Variants in ENTPD6 observed in about 807,000 individuals in gnomAD.
ENTPD6 encodes CD39 antigen-like 2.
A neutral mutation model predicts 61.5 loss-of-function variants in ENTPD6; 46 were observed. The ratio of observed to expected loss-of-function variants is 0.75; its 90% CI spans 0.59 to 0.96. ENTPD6 has a LOEUF of 0.96. Ranked by LOEUF, ENTPD6 falls within the 40% of genes least tolerant of loss-of-function variation. The pLI is 0.00. For missense variants in ENTPD6, 612 were observed against 629.0 expected (o/e 0.97, Z 0.29); for synonymous variants, 252 against 255.5 (o/e 0.99, Z 0.13).
chr20:25,211,218 C>A lies in ENTPD6; in HGVS notation c.453+1293C>A, dbSNP rs566551404. ...TCCACAAACGTGTCATGGTCTCAGA[C>A]AATGTAGTTCAAGCCTTGCTTTCCT... is the stretch of plus-strand genomic sequence containing the variant. On this transcript the variant is annotated intron_variant, in intron 4 of 14. Transcript: ENST00000376652. 1.6e-3 allele frequency among the ~76,000 whole-genome samples: 245 copies of A among 152,138 alleles called. 2 individuals carry two copies. The highest frequency in any genetic ancestry group is 3.0e-3 in the Non-Finnish European group (201 of 68,022).
chr20:25,222,818 A>G lies in ENTPD6; in HGVS notation c.1046-20A>G, dbSNP rs776444336. 2.5e-5 allele frequency: 40 copies of G among 1,612,556 alleles called. No homozygotes were observed. The highest frequency in any genetic ancestry group is 3.4e-5 in the Non-Finnish European group (40 of 1,179,624). On this transcript the variant is annotated intron_variant, in intron 11 of 14. Transcript: ENST00000376652. ...GGGTGCTCGGAGCCCACTGACCGCT[A>G]GCCTTGTGCTTGTCCCCAGCGGCAA...
At position 25,226,079 on chromosome 20, in the gene ENTPD6, AAC is replaced by A. The variant is rs1430378731; in HGVS notation, c.*485_*486del. 1.3e-5 allele frequency: 2 copies of A among 154,758 alleles called. No homozygotes were observed. Among genetic ancestry groups the A allele is most frequent in the African/African-American group, 4.8e-5 (2 of 41,604 alleles). The allele number at this position is 154,758 out of a possible 1,614,324, so 9.6% of individuals were successfully genotyped here. The stretch of plus-strand genomic sequence containing the variant: ...TCTGGGGAAGCCGAGGGACAGCCAT[AAC>A]ACCCCCGGGACAGTAGGTCTGGGCG... On this transcript the variant is annotated 3_prime_UTR_variant, in exon 15 of 15. Transcript: ENST00000376652.
intron 6 of ENTPD6, among the ~76,000 whole-genome samples, chr20:25,215,353 A>C (rs1456846717): frequency 1.3e-5 from 2 of 152,178 alleles, no homozygotes; most frequent in Non-Finnish European, 2.9e-5. Flanking sequence ...CTTGAGAGTG[A>C]GTGTGTATGG....
chr20:25,210,020 A>C lies in ENTPD6; in HGVS notation c.453+95A>C. ...TGTGGTAGGCTGTCTTCACAAAGGA[A>C]GGGGGCTTTGACAGTGCTGCCTGGG... On this transcript the variant is annotated intron_variant, in intron 4 of 14. Transcript: ENST00000376652. 4.3e-6 allele frequency: 5 copies of C among 1,165,286 alleles called. No individual in the cohort carries two copies. In the South Asian group the frequency reaches 6.2e-5, roughly 14 times the overall value. 72.2% of individuals were successfully genotyped at this position (1,165,286 alleles called of 1,614,324 possible).
At position 25,222,784 on chromosome 20, in the gene ENTPD6, G is replaced by C. The variant is rs528351689; in HGVS notation, c.1046-54G>C. ...CCCCTGGGAGGGGCCCCAAGCAGCTGTGAGGCCTGGGTGCTCGGAGCCCAC... is the reference window on the plus strand; with the variant it reads ...CCCCTGGGAGGGGCCCCAAGCAGCTCTGAGGCCTGGGTGCTCGGAGCCCAC... On this transcript the variant is annotated intron_variant, in intron 11 of 14. Transcript: ENST00000376652. The C allele has an allele frequency of 2.2e-5, 35 of 1,599,036 alleles. No homozygotes were observed. The East Asian group carries it at 7.4e-4, about 34-fold the overall frequency.
chr20:25,214,717 G>T, intron 5 of ENTPD6, 150 bp from the exon 6 acceptor site: 1 of 628,738 alleles, frequency 1.6e-6, no homozygotes, highest in East Asian at 2.7e-5. Flanking sequence ...GAGTGCAGTG[G>T]TATTTACAAC....
Position 25,206,933 on chromosome 20 carries a change from G to A in ENTPD6, c.55-143G>A, listed in dbSNP as rs1209715453. 5 of 736,644 alleles carry A rather than the reference G, an allele frequency of 6.8e-6. No individual in the cohort carries two copies. The African/African-American group carries it at 7.1e-5, about 10-fold the overall frequency. The allele number at this position is 736,644 out of a possible 1,614,324, so 45.6% of individuals were successfully genotyped here. A position where few individuals can be genotyped will look rare whatever the true frequency, so the allele number is the denominator to read the frequency against. ...TCACACCTTCTGGAATAATTATGAG[G>A]CTCAAATGAAGCTTCTGATTCCTGG... On this transcript the variant is annotated intron_variant, in intron 2 of 14. Coordinates refer to ENST00000376652, the MANE Select transcript of ENTPD6 (RefSeq NM_001247.5).
intron 11 of ENTPD6, chr20:25,221,675 T>C (rs2092637880): frequency 2.6e-6 from 1 of 385,924 alleles, no homozygotes; most frequent in East Asian, 6.2e-5. Context: ...CTCTGTGCTG[T>C]GCTGGGCGGG....
chr20:25,209,331 C>T (rs1015626259), intron 3 of ENTPD6, among the ~76,000 whole-genome samples: 18 of 151,590 alleles, frequency 1.2e-4, no homozygotes, highest in Non-Finnish European at 2.1e-4. Context: ...AGGATGGTCT[C>T]GAACTCCTGA....
chr20:25,209,896 CT>C lies in ENTPD6; in HGVS notation c.427del (p.Ser143LeufsTer58). 2 of 1,614,196 alleles carry C rather than the reference CT, an allele frequency of 1.2e-6. No individual in the cohort carries two copies. ...HETFKALKPG[L>X]SAYADDVEKS... The stretch of plus-strand genomic sequence containing the variant: ...AACCTTCAAAGCACTGAAGCCAGGT[CT>C]TTCTGCCTATGCTGATGATGTTGAA... On this transcript the variant is annotated frameshift_variant, in exon 4 of 15. Coordinates refer to ENST00000376652, the MANE Select transcript of ENTPD6 (RefSeq NM_001247.5). LOFTEE classifies it high-confidence loss of function.
At chr20:25,196,018 C>T (rs1398989586) in intron 1 of ENTPD6, 151 bp downstream of exon 1, 4 of 813,668 alleles carry the variant, frequency 4.9e-6, no homozygotes, top group Non-Finnish European at 6.6e-6. Context: ...TGTCCAGGCT[C>T]CATTAGGGCT....
Position 25,227,532 on chromosome 20 carries a change from G to A in ENTPD6, c.*1935G>A, listed in dbSNP as rs2092816928. ...AGTCATTTCTCTCTGAGTGTCTTTT[G>A]TGATAATGAAGTAGGCTCTCATTTG... On this transcript the variant is annotated 3_prime_UTR_variant, in exon 15 of 15. Coordinates refer to ENST00000376652, the MANE Select transcript of ENTPD6 (RefSeq NM_001247.5). Among the ~76,000 whole-genome samples the A allele has an allele frequency of 6.6e-6, 1 of 152,222 alleles. No individual in the cohort carries two copies. Among genetic ancestry groups the A allele is most frequent in the Admixed American group, 6.5e-5 (1 of 15,278 alleles).
intron 1 of ENTPD6, among the ~76,000 whole-genome samples, chr20:25,198,800 C>A (rs2090764230): frequency 6.6e-6 from 1 of 152,146 alleles, no homozygotes; most frequent in Non-Finnish European, 1.5e-5. Context: ...AAGCCTGTCA[C>A]CTCTCATAGG....
At chr20:25,210,483 CA>C (rs2091889791) in intron 4 of ENTPD6, among the ~76,000 whole-genome samples, 1 of 151,352 alleles carries the variant, frequency 6.6e-6, no homozygotes, top group African/African-American at 2.4e-5. Flanking sequence ...CCTATTTCTA[CA>C]AAATTTAAAA....
chr20:25,216,795 G>T lies in ENTPD6; in HGVS notation c.798+59G>T, dbSNP rs957968341. 10 of 1,357,754 alleles carry T rather than the reference G, an allele frequency of 7.4e-6. No individual in the cohort carries two copies. The Admixed American group carries it at 2.0e-4, about 27-fold the overall frequency. 84.1% of individuals were successfully genotyped at this position (1,357,754 alleles called of 1,614,324 possible). A position where few individuals can be genotyped will look rare whatever the true frequency, so the allele number is the denominator to read the frequency against. On this transcript the variant is annotated intron_variant, in intron 8 of 14. Transcript: ENST00000376652. ...ACCCCGAGGCCACACCGCCATGGGGGTGCAGGGTGGGGCCTGCTGAGGTGC... is the reference window on the plus strand; with the variant it reads ...ACCCCGAGGCCACACCGCCATGGGGTTGCAGGGTGGGGCCTGCTGAGGTGC...
intron 12 of ENTPD6, 136 bp downstream of exon 12, chr20:25,223,114 C>A: frequency 9.9e-7 from 1 of 1,015,216 alleles, no homozygotes; most frequent in Non-Finnish European, 1.4e-6. Flanking sequence ...AGGCCAGAAG[C>A]AGATTTGAGA....
intron 11 of ENTPD6, chr20:25,221,720 C>T (rs971440599): frequency 8.8e-6 from 3 of 340,242 alleles, no homozygotes; most frequent in South Asian, 4.9e-5. Flanking sequence ...CCATCCTGCT[C>T]GAGGCTATGG....
At chr20:25,222,761 C>T in intron 11 of ENTPD6, 77 bp from the exon 12 acceptor site, 2 of 1,570,670 alleles carry the variant, frequency 1.3e-6, no homozygotes, top group African/African-American at 1.4e-5. Flanking sequence ...TCTCAAGTCC[C>T]CTGGGAGGGG....
chr20:25,203,321 A>C (rs1160722737), intron 1 of ENTPD6, among the ~76,000 whole-genome samples: 1 of 152,064 alleles, frequency 6.6e-6, no homozygotes, highest in Non-Finnish European at 1.5e-5. Context: ...TCTTTAGTCA[A>C]ATTTGGGAGG....
Sources: allele counts gnomAD v4.1 joint callset (sites outside exome capture counted in the v4.1 genomes callset), GRCh38; gene constraint gnomAD v4.1.1; transcripts MANE v1.5; gene names NCBI Gene and HGNC (gene_info 2026-07-23, HGNC 2026-07-21).